Variants in HEPHL1 observed in about 807,000 individuals in gnomAD.
HEPHL1 encodes hephaestin like 1, also known as ferroxidase HEPHL1.
A neutral mutation model predicts 122.0 loss-of-function variants in HEPHL1; 123 were observed. The observed-to-expected ratio is 1.01, with a 90% CI of 0.87 to 1.17. HEPHL1 has a LOEUF of 1.17. Ranked by LOEUF, HEPHL1 falls within the 50% of genes most tolerant of loss-of-function variation. The probability of loss-of-function intolerance (pLI) is 0.00; values close to 1 mark genes in which losing one functional copy is unlikely to be tolerated. For missense variants in HEPHL1, 1,452 were observed against 1,430.5 expected (o/e 1.01, Z -0.24); for synonymous variants, 527 against 508.9 (o/e 1.04, Z -0.48).
Position 94,045,879 on chromosome 11 carries a change from T to C in HEPHL1, c.377T>C (p.Leu126Pro), listed in dbSNP as rs767606955. The change falls in exon 2 of 20, where the codon CTG (leucine) becomes CCG (proline). Residue 126 changes from leucine (L) to proline (P), a missense_variant. Transcript: ENST00000315765. ...AACTTTGCTTCTCGACCTTACTCTC[T>C]GCATCCACATGGCGTTTTCTACAAC... is the stretch of plus-strand genomic sequence containing the variant. Reference protein sequence around the residue: ...LKNFASRPYSLHPHGVFYNKD... With the variant: ...LKNFASRPYSPHPHGVFYNKD... The C allele has an allele frequency of 6.2e-7, 1 of 1,613,920 alleles. No individual in the cohort carries two copies. The highest frequency in any genetic ancestry group is 8.5e-7 in the Non-Finnish European group (1 of 1,179,836).
chr11:94,067,381 A>T, intron 4 of HEPHL1, 115 bp from the exon 5 acceptor site: 3 of 960,268 alleles, frequency 3.1e-6, no homozygotes, highest in Non-Finnish European at 4.8e-6. Flanking sequence ...CCAAAACCTT[A>T]CAACCAATGG....
chr11:94,098,783 C>A (rs1273278115), intron 13 of HEPHL1, among the ~76,000 whole-genome samples: 1 of 152,118 alleles, frequency 6.6e-6, no homozygotes, highest in East Asian at 1.9e-4. Context: ...TCACTGATAC[C>A]CTTTCTTCCA....
intron 16 of HEPHL1, among the ~76,000 whole-genome samples, chr11:94,105,765 G>A (rs923115044): frequency 2.6e-5 from 4 of 151,936 alleles, no homozygotes; most frequent in Admixed American, 6.6e-5. Flanking sequence ...ACCAAGATAC[G>A]GCTTTAAAAC....
intron 9 of HEPHL1, among the ~76,000 whole-genome samples, chr11:94,075,587 A>C (rs1946116506): frequency 6.6e-6 from 1 of 152,178 alleles, no homozygotes; most frequent in South Asian, 2.1e-4. Flanking sequence ...ATGCCCACTC[A>C]GGAACCTAGA....
At chr11:94,096,720 T>C (rs1010467752) in intron 13 of HEPHL1, among the ~76,000 whole-genome samples, 1 of 152,224 alleles carries the variant, frequency 6.6e-6, no homozygotes, top group Non-Finnish European at 1.5e-5. Flanking sequence ...TATTCAGTAA[T>C]TCAACTTCTT....
chr11:94,026,517 C>T (rs984637352), intron 1 of HEPHL1, among the ~76,000 whole-genome samples: 1 of 152,214 alleles, frequency 6.6e-6, no homozygotes, highest in Non-Finnish European at 1.5e-5. Context: ...TAGTCCCCAT[C>T]TTGCTTTTCC....
Position 94,110,944 on chromosome 11 carries a change from T to G in HEPHL1, c.3087T>G (p.Pro1029=), listed in dbSNP as rs1274443819. The G allele has an allele frequency of 6.2e-7, 1 of 1,613,276 alleles. No individual in the cohort carries two copies. Among genetic ancestry groups the G allele is most frequent in the Non-Finnish European group, 8.5e-7 (1 of 1,179,614 alleles). The stretch of plus-strand genomic sequence containing the variant: ...GAGAAGATGTGTATGATCTCTTTCC[T>G]GGGACATTCCAAACCATTGAACTGT... ...SYREDVYDLF[P]GTFQTIELFA... is the part of the protein sequence containing the mutation. The change falls in exon 18 of 20, where the codon CCT becomes CCG. Residue 1029 remains proline, a synonymous_variant. Transcript: ENST00000315765.
At position 94,048,825 on chromosome 11, in the gene HEPHL1, T is replaced by C. The variant is rs78729466; in HGVS notation, c.415+2908T>C. On this transcript the variant is annotated intron_variant, in intron 2 of 19. Coordinates refer to ENST00000315765, the MANE Select transcript of HEPHL1 (RefSeq NM_001098672.2). The stretch of plus-strand genomic sequence containing the variant: ...TTCAGAAGTGTGTTGGTTTATCTCA[T>C]AACACTTAATACTGGCTGGACATGG... Among the ~76,000 whole-genome samples, 48 of 152,214 alleles carry C rather than the reference T, an allele frequency of 3.2e-4. No homozygotes were observed. In the East Asian group the frequency reaches 8.9e-3, roughly 28 times the overall value.
chr11:94,095,211 T>C (rs1255083941), intron 13 of HEPHL1, among the ~76,000 whole-genome samples: 1 of 152,234 alleles, frequency 6.6e-6, no homozygotes, highest in East Asian at 1.9e-4. Context: ...GCTTTCTACA[T>C]ATGGCTAGCC....
chr11:94,026,466 C>T (rs71480700), intron 1 of HEPHL1, among the ~76,000 whole-genome samples: 2 of 152,206 alleles, frequency 1.3e-5, no homozygotes, highest in African/African-American at 2.4e-5. Context: ...CCTCCCCTAC[C>T]TCAGTTCTCT....
At chr11:94,081,190 A>G (rs547589089) in intron 9 of HEPHL1, among the ~76,000 whole-genome samples, 129 of 152,356 alleles carry the variant, frequency 8.5e-4, no homozygotes, top group African/African-American at 2.6e-3. Flanking sequence ...AAACTAAAGC[A>G]GGAACAGGAA....
At chr11:94,060,157 C>G (rs528849924) in intron 2 of HEPHL1, among the ~76,000 whole-genome samples, 45 of 124,952 alleles carry the variant, frequency 3.6e-4, no homozygotes, top group African/African-American at 1.4e-3. Flanking sequence ...TATACACGCA[C>G]TGGGGTAGAT....
At chr11:94,106,427 G>A (rs1946409216) in intron 17 of HEPHL1, among the ~76,000 whole-genome samples, 1 of 151,802 alleles carries the variant, frequency 6.6e-6, no homozygotes, top group Non-Finnish European at 1.5e-5. Flanking sequence ...CGAGTAGCTG[G>A]GACTACAGGT....
In HEPHL1 at chr11:94,093,586, G is replaced by C; in HGVS notation, c.2380G>C (p.Glu794Gln). ...KVVYREYTDG[E>Q]FVEIKARPPR... ...GGTTTACAGGGAATATACGGATGGA[G>C]AATTTGTGGAGATCAAAGCCCGACC... is the stretch of plus-strand genomic sequence containing the variant. The change falls in exon 13 of 20, where the codon GAA (glutamate) becomes CAA (glutamine). Residue 794 changes from glutamate to glutamine, a missense_variant. Transcript: ENST00000315765. The C allele has an allele frequency of 6.2e-7, 1 of 1,613,814 alleles. No homozygotes were observed. Among genetic ancestry groups the C allele is most frequent in the Non-Finnish European group, 8.5e-7 (1 of 1,179,852 alleles).
At chr11:94,021,601 A>G (rs1945582840) in intron 1 of HEPHL1, 63 bp downstream of exon 1, 4 of 1,304,198 alleles carry the variant, frequency 3.1e-6, no homozygotes, top group Non-Finnish European at 3.2e-6. Context: ...TTGTGTGGGG[A>G]AGGTTGTATT....
intron 9 of HEPHL1, among the ~76,000 whole-genome samples, chr11:94,080,033 C>G (rs146595307): frequency 1.3e-5 from 2 of 152,066 alleles, no homozygotes; most frequent in Admixed American, 6.6e-5. Context: ...TCATACTACC[C>G]GACTTCAAAC....
Position 94,073,339 on chromosome 11 carries a change from CCT to C in HEPHL1, c.1405_1406del (p.Leu469ValfsTer13). On this transcript the variant is annotated frameshift_variant, in exon 8 of 20. Transcript: ENST00000315765. LOFTEE classifies it high-confidence loss of function. The part of the protein sequence containing the change: ...PVIKAEVGDT[L>X]LVTFANKADK... ...TCATCAAGGCAGAGGTGGGTGATACCCTGTTAGTGACCTTTGCCAACAAAGCC... is the reference window on the plus strand; with the variant it reads ...TCATCAAGGCAGAGGTGGGTGATACCGTTAGTGACCTTTGCCAACAAAGCC... 6.2e-7 allele frequency: 1 copy of C among 1,607,144 alleles called. No homozygotes were observed. The highest frequency in any genetic ancestry group is 8.5e-7 in the Non-Finnish European group (1 of 1,176,624).
intron 1 of HEPHL1, among the ~76,000 whole-genome samples, chr11:94,022,209 C>A (rs781575395): frequency 4.5e-4 from 68 of 152,206 alleles, no homozygotes; most frequent in Middle Eastern, 3.4e-3. Flanking sequence ...AGAAAATAAC[C>A]CTTTCTCCCT....
chr11:94,070,018 T>G (rs1946061490), intron 5 of HEPHL1, among the ~76,000 whole-genome samples: 1 of 152,162 alleles, frequency 6.6e-6, no homozygotes, highest in Non-Finnish European at 1.5e-5. Context: ...ATTTGAAAAC[T>G]GTTAAGGTTT....
Sources: allele counts gnomAD v4.1 joint callset (sites outside exome capture counted in the v4.1 genomes callset), GRCh38; gene constraint gnomAD v4.1.1; transcripts MANE v1.5; gene names NCBI Gene and HGNC (gene_info 2026-07-23, HGNC 2026-07-21).